GSN: variants seen among roughly 807,000 people sequenced by gnomAD.
GSN encodes gelsolin.
In GSN, 56 loss-of-function variants were observed where a neutral mutation model predicts 85.7. The observed-to-expected ratio is 0.65, with a 90% CI of 0.53 to 0.82. The LOEUF (loss-of-function observed/expected upper bound fraction) is 0.82, where lower values mean the gene tolerates loss of function less well. Among genes scored for constraint, GSN ranks in the 40% least tolerant of loss-of-function variants. The probability of loss-of-function intolerance (pLI) is 0.00; values close to 1 mark genes in which losing one functional copy is unlikely to be tolerated. For synonymous variants in GSN, 373 were observed against 399.1 expected (o/e 0.93, Z 0.78); for missense variants, 857 against 979.8 (o/e 0.87, Z 1.67).
chr9:121,281,297 A>G (rs1210827153), intron 1 of GSN, 173 bp from the exon 2 acceptor site: 2 of 282,276 alleles, frequency 7.1e-6, no homozygotes, highest in Admixed American at 9.9e-5. Flanking sequence ...ACCCTCCAGC[A>G]GCAGGTCTTG....
intron 16 of GSN, among the ~76,000 whole-genome samples, chr9:121,331,003 G>A (rs1206726866): frequency 6.6e-6 from 1 of 152,188 alleles, no homozygotes. Context: ...GGGGAGACGT[G>A]AAGGAGCAGT....
Position 121,312,483 on chromosome 9 carries a change from C to T in GSN, c.658C>T (p.Leu220Phe). 1 of 1,610,750 alleles carries T rather than the reference C, an allele frequency of 6.2e-7. No homozygotes were observed. The highest frequency in any genetic ancestry group is 8.5e-7 in the Non-Finnish European group (1 of 1,177,694). ...SEEGTEPEAM[L>F]QVLGPKPALP... ...GGAGGGCACTGAGCCCGAGGCGATGCTCCAGGTGCCTGTGGGGTGCGCAAT... is the reference window on the plus strand; with the variant it reads ...GGAGGGCACTGAGCCCGAGGCGATGTTCCAGGTGCCTGTGGGGTGCGCAAT... The change falls in exon 6 of 18, where the codon CTC becomes TTC. Residue 220 changes from leucine to phenylalanine, a missense_variant. Coordinates refer to ENST00000432226, the MANE Select transcript of GSN (RefSeq NM_198252.3).
intron 5 of GSN, among the ~76,000 whole-genome samples, chr9:121,232,805 G>T (rs1392178484): frequency 1.3e-5 from 2 of 152,218 alleles, no homozygotes; most frequent in Admixed American, 6.5e-5. Context: ...GATCATAGAA[G>T]TAGAGACTCA....
At position 121,318,610 on chromosome 9, in the gene GSN, G is replaced by T. The variant is rs2061994722; in HGVS notation, c.976-55G>T. 2 of 1,507,738 alleles carry T rather than the reference G, an allele frequency of 1.3e-6. No homozygotes were observed. The highest frequency in any genetic ancestry group is 1.8e-6 in the Non-Finnish European group (2 of 1,084,178). 93.4% of individuals were successfully genotyped at this position (1,507,738 alleles called of 1,614,324 possible). On this transcript the variant is annotated intron_variant, in intron 9 of 17. Coordinates refer to ENST00000432226, the MANE Select transcript of GSN (RefSeq NM_198252.3). The surrounding 1 kb of genome is among the most constrained non-coding windows in gnomAD (Gnocchi z 4.3). ...GGATGGGGTATCTGAGGCTCCCCTGGGGACCCCTGCTGGGCAGCCCAGCCA... is the reference window on the plus strand; with the variant it reads ...GGATGGGGTATCTGAGGCTCCCCTGTGGACCCCTGCTGGGCAGCCCAGCCA...
intron 2 of GSN, chr9:121,286,472 C>A: frequency 1.2e-6 from 1 of 835,750 alleles, no homozygotes; most frequent in South Asian, 1.9e-5. Flanking sequence ...AGGCCACACC[C>A]CCAAGCCTTT....
chr9:121,260,731 A>T (rs73660424), intron 6 of GSN, among the ~76,000 whole-genome samples: 344 of 152,326 alleles, frequency 2.3e-3, no homozygotes, highest in African/African-American at 8.0e-3. Flanking sequence ...CACGGGGTGG[A>T]ACTCGGATGT....
At chr9:121,231,432 G>A (rs992760152) in intron 5 of GSN, 19 of 152,316 alleles carry the variant, frequency 1.2e-4, no homozygotes, top group African/African-American at 4.6e-4. Context: ...AATAAGAACT[G>A]GGTGAAGGTA....
At chr9:121,324,165 T>C (rs2062855172) in intron 11 of GSN, among the ~76,000 whole-genome samples, 1 of 152,176 alleles carries the variant, frequency 6.6e-6, no homozygotes, top group Non-Finnish European at 1.5e-5. Context: ...TTCCCACAAA[T>C]AGGCTCTCGT....
intron 2 of GSN, among the ~76,000 whole-genome samples, chr9:121,294,396 G>A (rs1330342410): frequency 6.6e-6 from 1 of 152,176 alleles, no homozygotes; most frequent in Non-Finnish European, 1.5e-5. Context: ...AGGGGAGACA[G>A]ACTGCTGAAG....
Position 121,299,958 on chromosome 9 carries a change from G to T in GSN, c.-9-2005G>T. 1 of 1,281,268 alleles carries T rather than the reference G, an allele frequency of 7.8e-7. No individual in the cohort carries two copies. Among genetic ancestry groups the T allele is most frequent in the South Asian group, 3.3e-5 (1 of 29,980 alleles). 79.4% of individuals were successfully genotyped at this position (1,281,268 alleles called of 1,614,324 possible). On this transcript the variant is annotated intron_variant, in intron 2 of 17. Transcript: ENST00000432226. The surrounding 1 kb of genome is among the most constrained non-coding windows in gnomAD (Gnocchi z 4.2). ...CGTCCGCGCGGCCACTGCGTCGCGGGGGGCGTCCCAGGCGGGGGCGCCCCA... is the reference window on the plus strand; with the variant it reads ...CGTCCGCGCGGCCACTGCGTCGCGGTGGGCGTCCCAGGCGGGGGCGCCCCA...
rs1233798637 is a variant in GSN at position 121,318,684 on chromosome 9, G to T, written c.995G>T (p.Gly332Val). Reference sequence around the variant, plus strand: ...CCCCAGGTCTCGGTCCTTCCTGAGGGCGGTGAGACCCCACTGTTCAAGCAG... The same window carrying T: ...CCCCAGGTCTCGGTCCTTCCTGAGGTCGGTGAGACCCCACTGTTCAAGCAG... ...KQTQVSVLPE[G>V]GETPLFKQFF... The change falls in exon 10 of 18, where the codon GGC (glycine) becomes GTC (valine). Residue 332 changes from glycine (G) to valine (V), a missense_variant. Physicochemically the swap from Gly to Val is moderately radical, Grantham distance 109. Coordinates refer to ENST00000432226, the MANE Select transcript of GSN (RefSeq NM_198252.3). The surrounding 1 kb of genome is among the most constrained non-coding windows in gnomAD (Gnocchi z 4.3). 6.2e-7 allele frequency: 1 copy of T among 1,613,304 alleles called. No individual in the cohort carries two copies. Among genetic ancestry groups the T allele is most frequent in the East Asian group, 2.2e-5 (1 of 44,886 alleles).
chr9:121,321,127 A>G, intron 10 of GSN, 141 bp from the exon 11 acceptor site: 1 of 940,756 alleles, frequency 1.1e-6, no homozygotes, highest in East Asian at 2.4e-5. Flanking sequence ...TGGGCAAACC[A>G]TTTAACTCCA....
chr9:121,227,063 C>T (rs887522131), intron 4 of GSN, among the ~76,000 whole-genome samples: 1 of 152,150 alleles, frequency 6.6e-6, no homozygotes, highest in Non-Finnish European at 1.5e-5. Context: ...GTCTTCTCAT[C>T]TGGCTGTTCA....
chr9:121,257,801 G>A (rs2054997555), intron 6 of GSN, among the ~76,000 whole-genome samples: 1 of 152,162 alleles, frequency 6.6e-6, no homozygotes, highest in Non-Finnish European at 1.5e-5. Flanking sequence ...AACCTGGGAT[G>A]TGGAAGTTGC....
chr9:121,316,903 G>C (rs2061775312), intron 7 of GSN, among the ~76,000 whole-genome samples, 183 bp from the exon 8 acceptor site: 1 of 151,952 alleles, frequency 6.6e-6, no homozygotes, highest in African/African-American at 2.4e-5. Context: ...CTGCGTGTAG[G>C]TCAGCAGATG....
intron 12 of GSN, among the ~76,000 whole-genome samples, chr9:121,325,942 T>C (rs941811157): frequency 2.0e-4 from 30 of 151,930 alleles, no homozygotes; most frequent in African/African-American, 6.5e-4. Context: ...CTGACGTACA[T>C]GTGAGGTTTT....
chr9:121,203,380 T>C (rs577207270), upstream of GSN: 8 of 151,234 alleles, frequency 5.3e-5, no homozygotes, highest in East Asian at 1.6e-3. Flanking sequence ...AATGGGATCA[T>C]ACCTGTGAAC....
At chr9:121,321,224 GT>G in intron 10 of GSN, 43 bp from the exon 11 acceptor site, 1 of 1,609,974 alleles carries the variant, frequency 6.2e-7, no homozygotes, top group Admixed American at 1.7e-5. Flanking sequence ...GAGCTGGGGG[GT>G]GGGGGTGCTG....
At chr9:121,242,973 C>T (rs2054633978) in intron 5 of GSN, among the ~76,000 whole-genome samples, 1 of 152,198 alleles carries the variant, frequency 6.6e-6, no homozygotes, top group Non-Finnish European at 1.5e-5. Flanking sequence ...TAAAACAGCA[C>T]AACCCCTATG....
Sources: gnomAD v4.1 joint callset for allele counts (sites outside exome capture counted in the v4.1 genomes callset) on GRCh38, gnomAD v4.1.1 for gene constraint, Gnocchi (gnomAD v3.1) non-coding constraint, MANE v1.5 for transcripts, NCBI Gene and HGNC (gene_info 2026-07-23, HGNC 2026-07-21) for gene names.